Variants in IMMP1L observed in about 807,000 individuals in gnomAD.
IMMP1L encodes mitochondrial inner membrane protease subunit 1.
Under a neutral mutation model 21.8 loss-of-function variants are expected in IMMP1L, and 24 were observed. The ratio of observed to expected loss-of-function variants is 1.10; its 90% CI spans 0.80 to 1.55. IMMP1L has a LOEUF of 1.55. IMMP1L is among the 40% of genes most tolerant of loss of function. The probability of loss-of-function intolerance (pLI) is 0.00; values close to 1 mark genes in which losing one functional copy is unlikely to be tolerated. For missense variants in IMMP1L, 195 were observed against 200.7 expected, an observed-to-expected ratio of 0.97 and a Z score of 0.17; for synonymous variants, 46 against 62.8, an observed-to-expected ratio of 0.73 and a Z score of 1.26.
intron 1 of IMMP1L, among the ~76,000 whole-genome samples, chr11:31,499,504 C>G (rs758215383): frequency 6.6e-6 from 1 of 152,128 alleles, no homozygotes; most frequent in Non-Finnish European, 1.5e-5. Context: ...GAAGACCAGG[C>G]ATATAAAATC....
intron 4 of IMMP1L, chr11:31,433,883 G>C (rs900414505): frequency 2.6e-5 from 5 of 188,882 alleles, no homozygotes; most frequent in Admixed American, 2.4e-4. Context: ...TAATTTAATA[G>C]ACTTCAAAAG....
intron 1 of IMMP1L, among the ~76,000 whole-genome samples, chr11:31,474,916 A>G (rs1954677964): frequency 6.6e-6 from 1 of 152,170 alleles, no homozygotes; most frequent in South Asian, 2.1e-4. Context: ...ATGAAAGAGA[A>G]TCTCTGGGAA....
chr11:31,453,801 GT>G (rs2133618132), intron 4 of IMMP1L, among the ~76,000 whole-genome samples: 1 of 152,188 alleles, frequency 6.6e-6, no homozygotes, highest in East Asian at 1.9e-4. Flanking sequence ...ACTTCCCTGT[GT>G]TTTTTTAAAA....
In IMMP1L at chr11:31,472,988, C is replaced by A. The variant is rs534377702; in HGVS notation, c.-29-9683G>T. Among the ~76,000 whole-genome samples the A allele has an allele frequency of 2.0e-3, 307 of 152,168 alleles. No homozygotes were observed. In the Middle Eastern group the frequency reaches 0.02, roughly 10 times the overall value. On this transcript the variant is annotated intron_variant, in intron 1 of 5. Coordinates refer to ENST00000532287, the MANE Select transcript of IMMP1L (RefSeq NM_001304274.2). ...TCACACCATTCTCCTGCCTCAGCCTCCCGAGTAGCTGGGACTACAGGTGCC... is the reference window on the plus strand; with the variant it reads ...TCACACCATTCTCCTGCCTCAGCCTACCGAGTAGCTGGGACTACAGGTGCC...
intron 3 of IMMP1L, among the ~76,000 whole-genome samples, chr11:31,459,709 T>C (rs935456576): frequency 6.6e-6 from 1 of 152,116 alleles, no homozygotes. Context: ...GTTCAAGCAA[T>C]TCTCCTGCCT....
intron 4 of IMMP1L, among the ~76,000 whole-genome samples, chr11:31,444,755 A>T (rs1171828148): frequency 6.6e-6 from 1 of 152,006 alleles, no homozygotes; most frequent in Non-Finnish European, 1.5e-5. Flanking sequence ...ACGCCTGGCT[A>T]ATTTTTGTAT....
At position 31,433,462 on chromosome 11, in the gene IMMP1L, TAAA is replaced by T. The variant is rs771443829; in HGVS notation, c.427_429del (p.Phe143del). On this transcript the variant is annotated inframe_deletion, in exon 5 of 6. Transcript: ENST00000532287. ...ACATTTTAAGCAGAAAATGGTACCT[TAAA>T]GAAGATTCGTCCTCTTATTAGTCCA... The T allele has an allele frequency of 6.5e-7, 1 of 1,543,402 alleles. No homozygotes were observed. Among genetic ancestry groups the T allele is most frequent in the African/African-American group, 1.4e-5 (1 of 72,662 alleles).
chr11:31,506,371 G>A (rs1237811551), intron 1 of IMMP1L, among the ~76,000 whole-genome samples: 1 of 151,472 alleles, frequency 6.6e-6, no homozygotes, highest in Non-Finnish European at 1.5e-5. Context: ...TGGGACCACA[G>A]AAGCCCGCCA....
chr11:31,474,347 G>C (rs908279744), intron 1 of IMMP1L, among the ~76,000 whole-genome samples: 3 of 152,156 alleles, frequency 2.0e-5, no homozygotes, highest in Admixed American at 2.0e-4. Context: ...TCAAACAGCA[G>C]AGTCTCCATC....
chr11:31,502,930 C>T (rs1482693365), intron 1 of IMMP1L, among the ~76,000 whole-genome samples: 2 of 152,148 alleles, frequency 1.3e-5, no homozygotes, highest in Non-Finnish European at 1.5e-5. Context: ...CTTGACAAAT[C>T]TCCTTGAACT....
chr11:31,433,814 T>C (rs1438863337), intron 4 of IMMP1L: 2 of 342,414 alleles, frequency 5.8e-6, no homozygotes, highest in Middle Eastern at 8.6e-4. Context: ...CAAATATTAA[T>C]TTGTTATACA....
chr11:31,459,878 T>A (rs1954076225), intron 3 of IMMP1L, among the ~76,000 whole-genome samples: 1 of 152,146 alleles, frequency 6.6e-6, no homozygotes, highest in Admixed American at 6.5e-5. Context: ...TCAAATGGGC[T>A]GGGCACGGTG....
intron 1 of IMMP1L, among the ~76,000 whole-genome samples, chr11:31,487,857 T>C (rs1434733036): frequency 6.6e-6 from 1 of 152,060 alleles, no homozygotes. Context: ...AACAAGACTA[T>C]CAGTACTTTC....
chr11:31,451,688 C>A (rs755188791), intron 4 of IMMP1L, among the ~76,000 whole-genome samples: 40 of 152,140 alleles, frequency 2.6e-4, no homozygotes, highest in Non-Finnish European at 4.7e-4. Flanking sequence ...GACAATTAGA[C>A]ATGACTCTGG....
At position 31,486,620 on chromosome 11, in the gene IMMP1L, T is replaced by C. The variant is rs576893336; in HGVS notation, c.-30+22899A>G. Among the ~76,000 whole-genome samples the C allele has an allele frequency of 3.1e-4, 47 of 152,096 alleles. No homozygotes were observed. The South Asian group carries it at 4.3e-3, about 14-fold the overall frequency. On this transcript the variant is annotated intron_variant, in intron 1 of 5. Coordinates refer to ENST00000532287, the MANE Select transcript of IMMP1L (RefSeq NM_001304274.2). Reference sequence around the variant, plus strand: ...GTACACATGATATGTAACCAGGATATTTTTTAAAACACATTCTCAGCAATG... The same window carrying C: ...GTACACATGATATGTAACCAGGATACTTTTTAAAACACATTCTCAGCAATG...
At chr11:31,488,932 T>C (rs1454247401) in intron 1 of IMMP1L, among the ~76,000 whole-genome samples, 1 of 152,084 alleles carries the variant, frequency 6.6e-6, no homozygotes, top group African/African-American at 2.4e-5. Flanking sequence ...AGTCTCGCTC[T>C]GTTGCCCAGG....
Position 31,456,309 on chromosome 11 carries a change from T to C in IMMP1L, c.272A>G (p.Asp91Gly). The C allele has an allele frequency of 6.2e-7, 1 of 1,608,882 alleles. No homozygotes were observed. Among genetic ancestry groups the C allele is most frequent in the Middle Eastern group, 1.8e-4 (1 of 5,666 alleles). The change falls in exon 4 of 6, where the codon GAC becomes GGC. Residue 91 changes from aspartate to glycine, a missense_variant. Coordinates refer to ENST00000532287, the MANE Select transcript of IMMP1L (RefSeq NM_001304274.2). ...ICKRVIGLEG[D>G]KILTTSPSDF... is the part of the protein sequence containing the mutation. Reference sequence around the variant, plus strand: ...TGATGGACTAGTGGTGAGGATTTTGTCTCCTTCCAAACCAATTACTCTTTT... The same window carrying C: ...TGATGGACTAGTGGTGAGGATTTTGCCTCCTTCCAAACCAATTACTCTTTT...
intron 1 of IMMP1L, among the ~76,000 whole-genome samples, chr11:31,485,261 C>A (rs925264036): frequency 1.3e-5 from 2 of 151,792 alleles, no homozygotes; most frequent in African/African-American, 4.8e-5. Flanking sequence ...ATTTTTATTT[C>A]AATGTCTATC....
chr11:31,501,240 T>C (rs1224812461), intron 1 of IMMP1L, among the ~76,000 whole-genome samples: 1 of 152,184 alleles, frequency 6.6e-6, no homozygotes, highest in East Asian at 1.9e-4. Flanking sequence ...TGAAAAAACA[T>C]ACCTAAGTGC....
Sources: allele counts gnomAD v4.1 joint callset (sites outside exome capture counted in the v4.1 genomes callset), GRCh38; gene constraint gnomAD v4.1.1; transcripts MANE v1.5; gene names NCBI Gene and HGNC (gene_info 2026-07-23, HGNC 2026-07-21).